Variants in PDGFD observed in about 807,000 individuals in gnomAD.
The protein encoded by PDGFD is platelet-derived growth factor D.
A neutral mutation model predicts 44.7 loss-of-function variants in PDGFD; 30 were observed. That is an observed-to-expected ratio of 0.67 (90% CI 0.50 to 0.91). The LOEUF is 0.91. Ranked by LOEUF, PDGFD falls within the 40% of genes least tolerant of loss-of-function variation. The pLI is 0.00. For synonymous variants in PDGFD, 173 were observed against 168.4 expected, an observed-to-expected ratio of 1.03 and a Z score of -0.21; for missense variants, 445 against 457.8, an observed-to-expected ratio of 0.97 and a Z score of 0.25.
At chr11:103,991,666 C>T (rs906148864) in intron 3 of PDGFD, among the ~76,000 whole-genome samples, 10 of 152,248 alleles carry the variant, frequency 6.6e-5, no homozygotes, top group African/African-American at 1.2e-4. Context: ...CAGACACACA[C>T]GCAAGTGGGC....
intron 3 of PDGFD, among the ~76,000 whole-genome samples, chr11:103,981,032 T>C (rs889835711): frequency 2.0e-5 from 3 of 149,182 alleles, no homozygotes; most frequent in African/African-American, 5.2e-5. Flanking sequence ...TTCGAATGAC[T>C]GTCCTCTCCA....
intron 1 of PDGFD, among the ~76,000 whole-genome samples, chr11:104,042,103 T>C (rs1010091075): frequency 6.6e-6 from 1 of 152,164 alleles, no homozygotes; most frequent in African/African-American, 2.4e-5. Flanking sequence ...AACATAAAGA[T>C]GGGTAGAGAA....
rs565532387 is a variant in PDGFD at position 103,976,188 on chromosome 11, G to C, written c.510+19877C>G. 7.9e-5 allele frequency among the ~76,000 whole-genome samples: 12 copies of C among 152,162 alleles called. No homozygotes were observed. The East Asian group carries it at 1.9e-3, about 25-fold the overall frequency. ...TTATTTCCTTAAGCAGTGGTTTGTA[G>C]TTGTCCTGGAAGAGGTCCTTCACAT... is the stretch of plus-strand genomic sequence containing the variant. On this transcript the variant is annotated intron_variant, in intron 3 of 6. Coordinates refer to ENST00000393158, the MANE Select transcript of PDGFD (RefSeq NM_025208.5).
At chr11:104,046,225 C>T (rs990494617) in intron 1 of PDGFD, among the ~76,000 whole-genome samples, 3 of 147,736 alleles carry the variant, frequency 2.0e-5, no homozygotes, top group Non-Finnish European at 3.0e-5. Context: ...GAAGCAGATA[C>T]AAGGCATCTT....
chr11:104,028,381 C>T (rs260858), intron 1 of PDGFD, among the ~76,000 whole-genome samples: 105,365 of 151,054 alleles, frequency 0.7, 36,884 homozygotes, highest in Admixed American at 0.77. Context: ...TCCATCCCTA[C>T]GAACACAAAT....
At chr11:103,957,791 G>A (rs977572616) in intron 3 of PDGFD, among the ~76,000 whole-genome samples, 17 of 151,268 alleles carry the variant, frequency 1.1e-4, no homozygotes, top group South Asian at 2.1e-4. Context: ...GAGGATCAGC[G>A]TGTTTGCAGA....
chr11:104,081,879 A>C lies in PDGFD; in HGVS notation c.125-81624T>G, dbSNP rs114809774. ...TTGCAATTCACAAAACATTTGTCTA[A>C]AATGATAGGTATCTGAACCAGCTGA... On this transcript the variant is annotated intron_variant, in intron 1 of 6. Coordinates refer to ENST00000393158, the MANE Select transcript of PDGFD (RefSeq NM_025208.5). Among the ~76,000 whole-genome samples, 1,240 of 152,188 alleles carry C rather than the reference A, an allele frequency of 8.1e-3. 14 individuals are homozygous for C. Among genetic ancestry groups the C allele is most frequent in the African/African-American group, 0.028 (1,163 of 41,530 alleles).
chr11:104,153,918 G>A (rs1325723691), intron 1 of PDGFD, among the ~76,000 whole-genome samples: 1 of 152,048 alleles, frequency 6.6e-6, no homozygotes, highest in Admixed American at 6.6e-5. Context: ...TCTGAGGTCT[G>A]AACCCTAGAA....
intron 1 of PDGFD, among the ~76,000 whole-genome samples, chr11:104,148,166 T>C (rs1862189786): frequency 6.6e-6 from 1 of 152,166 alleles, no homozygotes; most frequent in Non-Finnish European, 1.5e-5. Flanking sequence ...ACTAGCAACA[T>C]CAACTGTACC....
intron 5 of PDGFD, 124 bp downstream of exon 5, chr11:103,943,328 A>C: frequency 1.0e-6 from 1 of 961,414 alleles, no homozygotes; most frequent in Non-Finnish European, 1.5e-6. Context: ...AATGTTCCAA[A>C]ATCCAAAAAG....
At chr11:103,990,889 T>C (rs1228443026) in intron 3 of PDGFD, among the ~76,000 whole-genome samples, 2 of 152,050 alleles carry the variant, frequency 1.3e-5, no homozygotes, top group Non-Finnish European at 1.5e-5. Context: ...CCTGTAATCC[T>C]AGCACTTTGG....
chr11:104,006,510 C>T (rs983148735), intron 1 of PDGFD, among the ~76,000 whole-genome samples: 4 of 152,176 alleles, frequency 2.6e-5, no homozygotes, highest in African/African-American at 4.8e-5. Flanking sequence ...CACTCTCAAG[C>T]CTGGAAATCC....
chr11:104,084,540 G>T (rs968746466), intron 1 of PDGFD, among the ~76,000 whole-genome samples: 2 of 151,454 alleles, frequency 1.3e-5, no homozygotes, highest in African/African-American at 2.4e-5. Flanking sequence ...AGATTTATGT[G>T]GGGCAACATT....
intron 1 of PDGFD, among the ~76,000 whole-genome samples, chr11:104,111,775 T>C (rs1283039055): frequency 7.9e-5 from 12 of 152,176 alleles, no homozygotes; most frequent in Non-Finnish European, 2.9e-5. Context: ...ATAAATGACT[T>C]CTTGAAATGT....
intron 1 of PDGFD, among the ~76,000 whole-genome samples, chr11:104,072,074 AT>A (rs1273190730): frequency 6.6e-6 from 1 of 151,722 alleles, no homozygotes; most frequent in Non-Finnish European, 1.5e-5. Context: ...TTATTCCTGC[AT>A]GCTTATTTTT....
chr11:104,000,140 T>C lies in PDGFD; in HGVS notation c.240A>G (p.Thr80=). Residue 80 remains threonine (T), a synonymous_variant, in exon 2 of 7, where the codon ACA becomes ACG. Coordinates refer to ENST00000393158, the MANE Select transcript of PDGFD (RefSeq NM_025208.5). ...PNSYPRNLLL[T]WRLHSQENTR... Reference sequence around the variant, plus strand: ...TATTCTCCTGAGAGTGAAGCCGCCATGTCAGGAGCAGGTTCCTGGGGTAGC... The same window carrying C: ...TATTCTCCTGAGAGTGAAGCCGCCACGTCAGGAGCAGGTTCCTGGGGTAGC... 6.2e-7 allele frequency: 1 copy of C among 1,614,104 alleles called. No homozygotes were observed. Among genetic ancestry groups the C allele is most frequent in the Non-Finnish European group, 8.5e-7 (1 of 1,179,992 alleles).
At chr11:104,018,905 A>G (rs1859903854) in intron 1 of PDGFD, among the ~76,000 whole-genome samples, 1 of 152,040 alleles carries the variant, frequency 6.6e-6, no homozygotes, top group Non-Finnish European at 1.5e-5. Context: ...GGAAAGAGCT[A>G]TGGCTCTGCT....
chr11:104,114,502 T>C (rs1041388687), intron 1 of PDGFD, among the ~76,000 whole-genome samples: 1 of 152,094 alleles, frequency 6.6e-6, no homozygotes, highest in South Asian at 2.1e-4. Flanking sequence ...TATAGTTTTA[T>C]AGGTAGTCTT....
chr11:104,030,763 C>A lies in PDGFD; in HGVS notation c.125-30508G>T, dbSNP rs116606284. ...TCAAGGAAAGGATAGCTCTTTGGAA[C>A]CCAGACAGGTACACTATAATCATGG... On this transcript the variant is annotated intron_variant, in intron 1 of 6. Coordinates refer to ENST00000393158, the MANE Select transcript of PDGFD (RefSeq NM_025208.5). Among the ~76,000 whole-genome samples the A allele has an allele frequency of 2.9e-3, 444 of 152,218 alleles. 2 individuals carry two copies. Among genetic ancestry groups the A allele is most frequent in the African/African-American group, 0.01 (429 of 41,534 alleles).
Sources: allele counts gnomAD v4.1 joint callset (sites outside exome capture counted in the v4.1 genomes callset), GRCh38; gene constraint gnomAD v4.1.1; transcripts MANE v1.5; gene names NCBI Gene and HGNC (gene_info 2026-07-23, HGNC 2026-07-21).